The following TNFSF15 variants were observed in gnomAD, a reference collection of about 807,000 sequenced individuals.
TNFSF15 encodes the protein tumor necrosis factor ligand superfamily member 15.
Under a neutral mutation model 26.4 loss-of-function variants are expected in TNFSF15, and 15 were observed. The ratio of observed to expected loss-of-function variants is 0.57; its 90% CI spans 0.38 to 0.87. The LOEUF is 0.87. TNFSF15 is among the 40% of genes least tolerant of loss of function. The probability of loss-of-function intolerance (pLI) is 0.00; values close to 1 mark genes in which losing one functional copy is unlikely to be tolerated. For missense variants in TNFSF15, 290 were observed against 306.1 expected (o/e 0.95, Z 0.39); for synonymous variants, 116 against 115.0 (o/e 1.01, Z -0.06).
chr9:114,800,944 G>C (rs766807723), intron 1 of TNFSF15, among the ~76,000 whole-genome samples: 2 of 152,190 alleles, frequency 1.3e-5, no homozygotes, highest in South Asian at 2.1e-4. Context: ...AGGGAAGAAT[G>C]GTTCAGGAAT....
intron 2 of TNFSF15, 105 bp from the exon 3 acceptor site, chr9:114,792,559 TCTC>T (rs1414735747): frequency 1.9e-6 from 3 of 1,575,778 alleles, no homozygotes; most frequent in Non-Finnish European, 2.6e-6. Context: ...GAAACCTTGA[TCTC>T]CTCCAGCTTG....
chr9:114,798,408 TCAAA>T (rs760922451), intron 1 of TNFSF15, among the ~76,000 whole-genome samples: 5 of 151,936 alleles, frequency 3.3e-5, no homozygotes, highest in African/African-American at 7.2e-5. Context: ...AATCCCTGAC[TCAAA>T]CTAACCATGG....
intron 1 of TNFSF15, among the ~76,000 whole-genome samples, chr9:114,794,108 C>T (rs1454409981): frequency 6.6e-6 from 1 of 152,224 alleles, no homozygotes; most frequent in Non-Finnish European, 1.5e-5. Flanking sequence ...GGAAGAGTAA[C>T]TGCCTTAGAG....
chr9:114,804,818 G>A (rs1332945514), intron 1 of TNFSF15, among the ~76,000 whole-genome samples: 1 of 152,212 alleles, frequency 6.6e-6, no homozygotes, highest in Non-Finnish European at 1.5e-5. Context: ...CTTACTTGTG[G>A]TGTCTATGCT....
In TNFSF15 at chr9:114,792,159, TAA is replaced by T. The variant is rs1039263821; in HGVS notation, c.301+246_301+247del. 96 of 497,390 alleles carry T rather than the reference TAA, an allele frequency of 1.9e-4. 2 individuals are homozygous for T. The highest frequency in any genetic ancestry group is 1.8e-3 in the African/African-American group (88 of 50,278). 30.8% of individuals were successfully genotyped at this position (497,390 alleles called of 1,614,324 possible). A position where few individuals can be genotyped will look rare whatever the true frequency, so the allele number is the denominator to read the frequency against. ...CAATCGCAAAAATATGGAATCAACT[TAA>T]GTGTTCATCAACAGATGAATAGATA... On this transcript the variant is annotated intron_variant, in intron 3 of 3. Transcript: ENST00000374045.
chr9:114,799,385 G>T (rs1236023253), intron 1 of TNFSF15, among the ~76,000 whole-genome samples: 3 of 152,070 alleles, frequency 2.0e-5, no homozygotes, highest in Non-Finnish European at 4.4e-5. Context: ...CTGTATTGTT[G>T]GTTCTGCACA....
Position 114,805,793 on chromosome 9 carries a change from T to C in TNFSF15, c.210+10A>G, listed in dbSNP as rs751895682. On this transcript the variant is annotated intron_variant, in intron 1 of 3. Coordinates refer to ENST00000374045, the MANE Select transcript of TNFSF15 (RefSeq NM_005118.4). ...GCTCCTCCCCAAGGTCAGAGTGCCA[T>C]GTGGCTTACCTGGAACTGCACACAG... 30 of 1,611,980 alleles carry C rather than the reference T, an allele frequency of 1.9e-5. No homozygotes were observed. In the Admixed American group the frequency reaches 2.5e-4, roughly 13 times the overall value.
At chr9:114,800,800 A>G (rs1173139764) in intron 1 of TNFSF15, among the ~76,000 whole-genome samples, 2 of 152,200 alleles carry the variant, frequency 1.3e-5, no homozygotes, top group African/African-American at 4.8e-5. Context: ...GGTTTCTGCT[A>G]TATAATAAGT....
chr9:114,803,656 T>C (rs1034779489), intron 1 of TNFSF15, among the ~76,000 whole-genome samples: 2 of 152,188 alleles, frequency 1.3e-5, no homozygotes, highest in Non-Finnish European at 2.9e-5. Context: ...CTGAGCCTGG[T>C]CAATGGGATT....
intron 3 of TNFSF15, chr9:114,792,130 T>C (rs1324871922): frequency 2.2e-6 from 1 of 456,432 alleles, no homozygotes; most frequent in African/African-American, 2.0e-5. Context: ...TGCAGCACTA[T>C]TCACAATCGC....
intron 3 of TNFSF15, chr9:114,791,618 C>T (rs1564344495): frequency 6.0e-6 from 1 of 167,892 alleles, no homozygotes; most frequent in Non-Finnish European, 1.5e-5. Flanking sequence ...TCAGTGGGTT[C>T]TAACATATCC....
Position 114,786,387 on chromosome 9 carries a change from G to C in TNFSF15, c.*4065C>G, listed in dbSNP as rs1192848489. The C allele has an allele frequency of 2.6e-5, 4 of 152,242 alleles. No individual in the cohort carries two copies. The highest frequency in any genetic ancestry group is 5.9e-5 in the Non-Finnish European group (4 of 68,056). 9.4% of individuals were successfully genotyped at this position (152,242 alleles called of 1,614,324 possible). On this transcript the variant is annotated 3_prime_UTR_variant, in exon 4 of 4. Coordinates refer to ENST00000374045, the MANE Select transcript of TNFSF15 (RefSeq NM_005118.4). The stretch of plus-strand genomic sequence containing the variant: ...AAGGGCTTGGGAAAATACCTTGCAA[G>C]AGAATGTTGGCAATGGCCGTGCCTT...
At chr9:114,798,230 C>A (rs976371089) in intron 1 of TNFSF15, among the ~76,000 whole-genome samples, 1 of 152,128 alleles carries the variant, frequency 6.6e-6, no homozygotes, top group Non-Finnish European at 1.5e-5. Flanking sequence ...TGTGTATGTC[C>A]ATAAGCATGC....
Position 114,786,145 on chromosome 9 carries a change from C to G in TNFSF15, c.*4307G>C, listed in dbSNP as rs1829496421. On this transcript the variant is annotated 3_prime_UTR_variant, in exon 4 of 4. Transcript: ENST00000374045. ...TCTACTAAATTCTCTGTAGGTCCAGCTGCCAATATGATGCAAAAATGTTAA... is the reference window on the plus strand; with the variant it reads ...TCTACTAAATTCTCTGTAGGTCCAGGTGCCAATATGATGCAAAAATGTTAA... The G allele has an allele frequency of 6.6e-6, 1 of 152,240 alleles. No individual in the cohort carries two copies. The highest frequency in any genetic ancestry group is 1.5e-5 in the Non-Finnish European group (1 of 68,054). The allele number at this position is 152,240 out of a possible 1,614,324, so 9.4% of individuals were successfully genotyped here. A position where few individuals can be genotyped will look rare whatever the true frequency, so the allele number is the denominator to read the frequency against.
intron 1 of TNFSF15, among the ~76,000 whole-genome samples, chr9:114,802,516 G>A (rs1010633664): frequency 7.9e-5 from 12 of 152,222 alleles, no homozygotes; most frequent in Admixed American, 7.9e-4. Context: ...CTCCCAAAGT[G>A]CTGGGATTAC....
intron 1 of TNFSF15, among the ~76,000 whole-genome samples, chr9:114,797,311 G>C (rs1229749006): frequency 6.6e-6 from 1 of 152,206 alleles, no homozygotes; most frequent in African/African-American, 2.4e-5. Context: ...GGATGGATAA[G>C]TATGGTCCAG....
intron 2 of TNFSF15, 26 bp downstream of exon 2, chr9:114,793,500 A>G: frequency 6.2e-7 from 1 of 1,612,950 alleles, no homozygotes; most frequent in Non-Finnish European, 8.5e-7. Flanking sequence ...CCCACGAGGA[A>G]AGGCGTTGAA....
chr9:114,799,068 G>A (rs548816951), intron 1 of TNFSF15, among the ~76,000 whole-genome samples: 96 of 152,294 alleles, frequency 6.3e-4, no homozygotes, highest in African/African-American at 2.2e-3. Flanking sequence ...ACCTGGAAAT[G>A]TTTTATTCTG....
intron 1 of TNFSF15, among the ~76,000 whole-genome samples, chr9:114,799,184 T>C (rs539190571): frequency 6.6e-6 from 1 of 152,318 alleles, no homozygotes; most frequent in East Asian, 1.9e-4. Flanking sequence ...GTGAGCAAAT[T>C]TGGAAATCCC....
Sources: allele counts gnomAD v4.1 joint callset (sites outside exome capture counted in the v4.1 genomes callset), GRCh38; gene constraint gnomAD v4.1.1; transcripts MANE v1.5; gene names NCBI Gene and HGNC (gene_info 2026-07-23, HGNC 2026-07-21).